Variants in TPST1 observed in about 807,000 individuals in gnomAD.
The protein encoded by TPST1 is tyrosylprotein sulfotransferase 1.
Under a neutral mutation model 34.8 loss-of-function variants are expected in TPST1, and 20 were observed. The ratio of observed to expected loss-of-function variants is 0.57; its 90% CI spans 0.40 to 0.84. TPST1 has a LOEUF of 0.84. Among genes scored for constraint, TPST1 ranks in the 40% least tolerant of loss-of-function variants. TPST1 has a pLI of 0.00. For missense variants in TPST1, 353 were observed against 455.5 expected, an observed-to-expected ratio of 0.78 and a Z score of 2.05; for synonymous variants, 152 against 159.4, an observed-to-expected ratio of 0.95 and a Z score of 0.35.
intron 1 of TPST1, among the ~76,000 whole-genome samples, chr7:66,237,634 A>G (rs1789937026): frequency 6.6e-6 from 1 of 152,142 alleles, no homozygotes; most frequent in Non-Finnish European, 1.5e-5. Context: ...AAGGCAAACC[A>G]TTAGGACTGG....
At chr7:66,269,521 T>A (rs75334146) in intron 2 of TPST1, among the ~76,000 whole-genome samples, 1 of 152,206 alleles carries the variant, frequency 6.6e-6, no homozygotes, top group African/African-American at 2.4e-5. Context: ...CATTCAGTGC[T>A]GAAAAGGCTC....
At chr7:66,202,665 G>A (rs1369068221), upstream of TPST1, among the ~76,000 whole-genome samples, 4 of 152,188 alleles carry the variant, frequency 2.6e-5, no homozygotes, top group Non-Finnish European at 5.9e-5. Context: ...GGTCTGAAAT[G>A]TAGAAAGCAG....
chr7:66,299,527 G>T (rs1791272230), intron 3 of TPST1, among the ~76,000 whole-genome samples: 1 of 151,120 alleles, frequency 6.6e-6, no homozygotes, highest in African/African-American at 2.4e-5. Context: ...CCCTATTTTT[G>T]GTTTTCAGCA....
chr7:66,219,928 T>G (rs1449701128), intron 1 of TPST1, among the ~76,000 whole-genome samples: 3 of 152,074 alleles, frequency 2.0e-5, no homozygotes, highest in African/African-American at 7.2e-5. Flanking sequence ...GTTGCAGCAA[T>G]GTAAGGGATT....
At chr7:66,335,466 AAAGTTGGGATT>A (rs1792078487) in intron 3 of TPST1, among the ~76,000 whole-genome samples, 1 of 152,156 alleles carries the variant, frequency 6.6e-6, no homozygotes. Flanking sequence ...AAAAAAAAAA[AAAGTTGGGATT>A]AACTTCCAGT....
intron 2 of TPST1, among the ~76,000 whole-genome samples, chr7:66,251,892 G>A (rs746802304): frequency 1.6e-4 from 24 of 150,072 alleles, no homozygotes; most frequent in Admixed American, 2.0e-4. Context: ...ACTATTCTCT[G>A]GTATAATATA....
chr7:66,208,016 C>T (rs1789167753), intron 1 of TPST1, among the ~76,000 whole-genome samples: 1 of 151,312 alleles, frequency 6.6e-6, no homozygotes, highest in African/African-American at 2.4e-5. Flanking sequence ...TGGTTCAGAC[C>T]TTGGTTATGC....
intron 3 of TPST1, among the ~76,000 whole-genome samples, chr7:66,310,281 T>C (rs1162519998): frequency 3.3e-5 from 5 of 152,236 alleles, no homozygotes; most frequent in Non-Finnish European, 7.3e-5. Context: ...CTTTTGAACA[T>C]TGCTGTGAAA....
intron 3 of TPST1, among the ~76,000 whole-genome samples, chr7:66,306,308 A>G (rs976120614): frequency 2.0e-5 from 3 of 152,230 alleles, no homozygotes; most frequent in African/African-American, 7.2e-5. Flanking sequence ...TCAAATCCCA[A>G]TTCAGTTATC....
intron 3 of TPST1, among the ~76,000 whole-genome samples, chr7:66,316,372 G>A (rs1467382168): frequency 6.6e-6 from 1 of 152,098 alleles, no homozygotes; most frequent in Non-Finnish European, 1.5e-5. Flanking sequence ...GAATCTTACT[G>A]TGTGTGTGTT....
rs908502364 is a variant in TPST1 at position 66,332,298 on chromosome 7, C to T, written c.1045-20207C>T. 6.7e-6 allele frequency among the ~76,000 whole-genome samples: 1 copy of T among 149,524 alleles called. No homozygotes were observed. Among genetic ancestry groups the T allele is most frequent in the Admixed American group, 6.6e-5 (1 of 15,038 alleles). ...TTTTTTTTTTTTGAGATGAGAGTCT[C>T]GTTTGTGTTGCTCAGGCTGGAGTGC... is the stretch of plus-strand genomic sequence containing the variant. On this transcript the variant is annotated intron_variant, in intron 3 of 5. Transcript: ENST00000304842. The surrounding 1 kb of genome is among the most constrained non-coding windows in gnomAD (Gnocchi z 4.5).
At chr7:66,298,500 ACTTTTAAT>A (rs1198854702) in intron 3 of TPST1, among the ~76,000 whole-genome samples, 1 of 152,036 alleles carries the variant, frequency 6.6e-6, no homozygotes, top group Non-Finnish European at 1.5e-5. Flanking sequence ...CGATTCTTTT[ACTTTTAAT>A]CTGTGTCTTT....
At chr7:66,326,493 C>G (rs1791869598) in intron 3 of TPST1, among the ~76,000 whole-genome samples, 1 of 152,310 alleles carries the variant, frequency 6.6e-6, no homozygotes, top group East Asian at 1.9e-4. Context: ...TCTCTGAAAA[C>G]TTGATTTGGG....
chr7:66,254,832 G>C (rs1790350117), intron 2 of TPST1, among the ~76,000 whole-genome samples: 1 of 152,118 alleles, frequency 6.6e-6, no homozygotes, highest in Non-Finnish European at 1.5e-5. Flanking sequence ...ACTTCTAATA[G>C]TAGTAAGCAA....
intron 3 of TPST1, among the ~76,000 whole-genome samples, chr7:66,346,198 T>C (rs1792349071): frequency 6.6e-6 from 1 of 151,966 alleles, no homozygotes; most frequent in African/African-American, 2.4e-5. Context: ...TATATATATA[T>C]ATATAATATT....
intron 2 of TPST1, among the ~76,000 whole-genome samples, chr7:66,248,944 C>T (rs1050636986): frequency 6.6e-6 from 1 of 152,068 alleles, no homozygotes; most frequent in African/African-American, 2.4e-5. Context: ...CTGGGATGTC[C>T]AAGATCAGGC....
In TPST1 at chr7:66,261,330, A is replaced by G. The variant is rs192893473; in HGVS notation, c.845+20060A>G. On this transcript the variant is annotated intron_variant, in intron 2 of 5. Coordinates refer to ENST00000304842, the MANE Select transcript of TPST1 (RefSeq NM_003596.4). ...GTCCTTTGAAAGATAAGCACTCTTT[A>G]CTTTTTTCTGAAACCTTTTATATTA... Among the ~76,000 whole-genome samples the G allele has an allele frequency of 2.3e-3, 322 of 140,034 alleles. 2 individuals carry two copies. The highest frequency in any genetic ancestry group is 8.5e-3 in the African/African-American group (315 of 37,196). 91.9% of individuals were successfully genotyped at this position (140,034 alleles called of 152,430 possible). A position where few individuals can be genotyped will look rare whatever the true frequency, so the allele number is the denominator to read the frequency against.
At chr7:66,307,986 A>G (rs1425941818) in intron 3 of TPST1, among the ~76,000 whole-genome samples, 1 of 152,204 alleles carries the variant, frequency 6.6e-6, no homozygotes, top group African/African-American at 2.4e-5. Flanking sequence ...ATATCTTACC[A>G]CAAGTTTCCC....
At chr7:66,305,000 A>G (rs568129825) in intron 3 of TPST1, among the ~76,000 whole-genome samples, 1 of 151,942 alleles carries the variant, frequency 6.6e-6, no homozygotes, top group African/African-American at 2.4e-5. Flanking sequence ...AACTTTTTGT[A>G]GAGACAAGAG....
Sources: gnomAD v4.1 joint callset for allele counts (sites outside exome capture counted in the v4.1 genomes callset) on GRCh38, gnomAD v4.1.1 for gene constraint, Gnocchi (gnomAD v3.1) non-coding constraint, MANE v1.5 for transcripts, NCBI Gene and HGNC (gene_info 2026-07-23, HGNC 2026-07-21) for gene names.